AGBL4: variants seen among roughly 807,000 people sequenced by gnomAD.
AGBL4 encodes cytosolic carboxypeptidase 6.
Under a neutral mutation model 66.4 loss-of-function variants are expected in AGBL4, and 58 were observed. That is an observed-to-expected ratio of 0.87 (90% CI 0.71 to 1.09). The LOEUF (loss-of-function observed/expected upper bound fraction) is 1.09, where lower values mean the gene tolerates loss of function less well. AGBL4 is among the 50% of genes least tolerant of loss of function. AGBL4 has a pLI of 0.00. For synonymous variants in AGBL4, 234 were observed against 222.9 expected (o/e 1.05, Z -0.44); for missense variants, 579 against 631.0 (o/e 0.92, Z 0.88).
At chr1:49,627,591 C>A (rs1192348369) in intron 3 of AGBL4, among the ~76,000 whole-genome samples, 1 of 152,178 alleles carries the variant, frequency 6.6e-6, no homozygotes, top group Non-Finnish European at 1.5e-5. Context: ...TATAGCCAGG[C>A]ATACCACTTA....
At chr1:49,845,958 C>T (rs967860896) in intron 2 of AGBL4, 8 of 1,545,174 alleles carry the variant, frequency 5.2e-6, no homozygotes, top group Non-Finnish European at 6.3e-6. Flanking sequence ...CACAGCTTGT[C>T]CCTCACCAAA....
At chr1:49,737,042 A>G (rs1270677764) in intron 2 of AGBL4, among the ~76,000 whole-genome samples, 1 of 152,176 alleles carries the variant, frequency 6.6e-6, no homozygotes, top group East Asian at 1.9e-4. Context: ...ATGATGGCAA[A>G]GCAAAGCTGC....
chr1:49,513,377 G>A (rs1227161149), intron 3 of AGBL4, among the ~76,000 whole-genome samples: 1 of 151,942 alleles, frequency 6.6e-6, no homozygotes, highest in African/African-American at 2.4e-5. Flanking sequence ...CTGTCACCAT[G>A]GTAGTATTGC....
chr1:49,633,685 C>T (rs925769119), intron 3 of AGBL4, among the ~76,000 whole-genome samples: 2 of 151,684 alleles, frequency 1.3e-5, no homozygotes, highest in Admixed American at 6.6e-5. Context: ...ATAAATAAAG[C>T]AGATAAAATG....
chr1:49,729,345 G>C (rs966055068), intron 2 of AGBL4, among the ~76,000 whole-genome samples: 4 of 152,018 alleles, frequency 2.6e-5, no homozygotes, highest in African/African-American at 9.7e-5. Context: ...AGAACAGCCT[G>C]GCCTAGCAAA....
chr1:49,358,275 C>T (rs1000900584), intron 3 of AGBL4, among the ~76,000 whole-genome samples: 1 of 152,066 alleles, frequency 6.6e-6, no homozygotes, highest in Non-Finnish European at 1.5e-5. Flanking sequence ...GATTAGGAAA[C>T]TTTCCAAGAC....
intron 7 of AGBL4, among the ~76,000 whole-genome samples, chr1:48,660,033 G>T (rs533916820): frequency 6.6e-6 from 1 of 152,214 alleles, no homozygotes. Context: ...TTCATGCTTC[G>T]CAGTGTAGCA....
intron 1 of AGBL4, among the ~76,000 whole-genome samples, chr1:49,889,338 T>G (rs1281179008): frequency 6.6e-6 from 1 of 152,186 alleles, no homozygotes; most frequent in Non-Finnish European, 1.5e-5. Flanking sequence ...AGACCCTGTC[T>G]TAAATAAATA....
chr1:49,759,798 A>C (rs558173739), intron 2 of AGBL4, among the ~76,000 whole-genome samples: 90 of 152,366 alleles, frequency 5.9e-4, no homozygotes, highest in Non-Finnish European at 1.2e-3. Context: ...TGAGATACTG[A>C]TACATGCTAC....
chr1:49,861,574 A>C (rs774005013), intron 1 of AGBL4, among the ~76,000 whole-genome samples: 4 of 152,030 alleles, frequency 2.6e-5, no homozygotes, highest in Non-Finnish European at 4.4e-5. Flanking sequence ...AACTTTTTCA[A>C]AGTTATTTCA....
chr1:49,485,045 G>A (rs1647035207), intron 3 of AGBL4, among the ~76,000 whole-genome samples: 1 of 152,006 alleles, frequency 6.6e-6, no homozygotes, highest in Non-Finnish European at 1.5e-5. Flanking sequence ...GGAAGTCAGT[G>A]TGGCGATTCC....
At chr1:49,741,890 G>GGGAC (rs1650519085) in intron 2 of AGBL4, among the ~76,000 whole-genome samples, 1 of 152,028 alleles carries the variant, frequency 6.6e-6, no homozygotes, top group Non-Finnish European at 1.5e-5. Flanking sequence ...AGGTATTGAT[G>GGGAC]GGACGTATCT....
chr1:49,410,329 T>G (rs948813830), intron 3 of AGBL4, among the ~76,000 whole-genome samples: 8 of 152,188 alleles, frequency 5.3e-5, no homozygotes, highest in African/African-American at 1.9e-4. Context: ...TTTCTTCCCA[T>G]GATATTTCCC....
chr1:49,122,801 C>T (rs970916439), intron 4 of AGBL4, among the ~76,000 whole-genome samples: 1 of 152,152 alleles, frequency 6.6e-6, no homozygotes, highest in African/African-American at 2.4e-5. Flanking sequence ...AGGCAGTTAG[C>T]AATGCCTGGC....
At chr1:49,686,675 G>C (rs1646793990) in intron 3 of AGBL4, among the ~76,000 whole-genome samples, 1 of 152,084 alleles carries the variant, frequency 6.6e-6, no homozygotes, top group Non-Finnish European at 1.5e-5. Context: ...GCTGATTCCT[G>C]AATGCCTAGA....
At position 49,227,915 on chromosome 1, in the gene AGBL4, T is replaced by A. The variant is rs573773686; in HGVS notation, c.377+17855A>T. On this transcript the variant is annotated intron_variant, in intron 4 of 13. Coordinates refer to ENST00000371839, the MANE Select transcript of AGBL4 (RefSeq NM_032785.4). ...AGAGTCTCCTGTCTTCTGCAGTCTATGTTGTTGTAGATTACTCCCTGTCCC... is the reference window on the plus strand; with the variant it reads ...AGAGTCTCCTGTCTTCTGCAGTCTAAGTTGTTGTAGATTACTCCCTGTCCC... Among the ~76,000 whole-genome samples, 6 of 152,210 alleles carry A rather than the reference T, an allele frequency of 3.9e-5. No homozygotes were observed. The South Asian group carries it at 1.2e-3, about 32-fold the overall frequency.
At chr1:48,744,502 G>GA (rs1260357251) in intron 6 of AGBL4, among the ~76,000 whole-genome samples, 2 of 152,000 alleles carry the variant, frequency 1.3e-5, no homozygotes, top group South Asian at 4.2e-4. Flanking sequence ...TCAGTCAACA[G>GA]AAAAAAAATA....
chr1:48,948,054 C>A (rs1380621029), intron 5 of AGBL4, among the ~76,000 whole-genome samples: 2 of 152,064 alleles, frequency 1.3e-5, no homozygotes, highest in Admixed American at 1.3e-4. Flanking sequence ...ATAGCATCAT[C>A]CCACGAAAGC....
At position 49,975,427 on chromosome 1, in the gene AGBL4, C is replaced by T. The variant is rs35497449; in HGVS notation, c.34+48336G>A. On this transcript the variant is annotated intron_variant, in intron 1 of 13. Coordinates refer to ENST00000371839, the MANE Select transcript of AGBL4 (RefSeq NM_032785.4). ...GCAAGTATAAAAAATTCCCCAAAGGCTTGAGTACATCAGATCAATGCTCAG... is the reference window on the plus strand; with the variant it reads ...GCAAGTATAAAAAATTCCCCAAAGGTTTGAGTACATCAGATCAATGCTCAG... 4.3e-3 allele frequency among the ~76,000 whole-genome samples: 656 copies of T among 152,272 alleles called. No homozygotes were observed. The Middle Eastern group carries it at 0.044, about 10-fold the overall frequency.
Sources: allele counts gnomAD v4.1 joint callset (sites outside exome capture counted in the v4.1 genomes callset), GRCh38; gene constraint gnomAD v4.1.1; transcripts MANE v1.5; gene names NCBI Gene and HGNC (gene_info 2026-07-23, HGNC 2026-07-21).